ATAD3B: variants seen among roughly 807,000 people sequenced by gnomAD.
ATAD3B encodes the protein ATPase family AAA domain-containing protein 3B.
A neutral mutation model predicts 70.2 loss-of-function variants in ATAD3B; 59 were observed. That is an observed-to-expected ratio of 0.84 (90% CI 0.68 to 1.04). ATAD3B has a LOEUF of 1.04. Ranked by LOEUF, ATAD3B falls within the 50% of genes least tolerant of loss-of-function variation. The pLI, the probability that ATAD3B is intolerant of heterozygous loss-of-function variation, is 0.00. For synonymous variants in ATAD3B, 423 were observed against 388.6 expected (o/e 1.09, Z -1.04); for missense variants, 961 against 913.4 (o/e 1.05, Z -0.67).
intron 4 of ATAD3B, 68 bp from the exon 5 acceptor site, chr1:1,480,799 C>T: frequency 6.3e-7 from 1 of 1,589,388 alleles, no homozygotes; most frequent in Non-Finnish European, 8.6e-7. Context: ...CGGACGCAAC[C>T]TCTGGATTGG....
Position 1,479,977 on chromosome 1 carries a change from C to CA in ATAD3B, c.444+870dup, listed in dbSNP as rs1286216359. Among the ~76,000 whole-genome samples the CA allele has an allele frequency of 9.6e-5, 14 of 146,126 alleles. 1 individual carries two copies. Among genetic ancestry groups the CA allele is most frequent in the African/African-American group, 3.6e-4 (14 of 39,028 alleles). Reference sequence around the variant, plus strand: ...ACGGGCACACCCCACCACACACACACACAGGCATGGACACACGCACACCCC... The same window carrying CA: ...ACGGGCACACCCCACCACACACACACAACAGGCATGGACACACGCACACCCC... On this transcript the variant is annotated intron_variant, in intron 4 of 15. Coordinates refer to ENST00000673477, the MANE Select transcript of ATAD3B (RefSeq NM_031921.6).
In ATAD3B at chr1:1,475,280, T is replaced by G. The variant is rs375863008; in HGVS notation, c.206-1994T>G. ...TGTTCCAGGTGTGGGCTCTTTCATT[T>G]TGATCCCTTCTCTCCTTCCTGGCCT... is the stretch of plus-strand genomic sequence containing the variant. On this transcript the variant is annotated intron_variant, in intron 1 of 15. Transcript: ENST00000673477. Among the ~76,000 whole-genome samples, 8 of 150,588 alleles carry G rather than the reference T, an allele frequency of 5.3e-5. 1 individual carries two copies. The highest frequency in any genetic ancestry group is 1.7e-4 in the African/African-American group (7 of 40,592).
chr1:1,503,697 G>A, the ATAD3B span: 113 of 1,606,970 alleles, frequency 7.0e-5, no homozygotes, highest in Admixed American at 1.0e-4. Flanking sequence ...AGGCCGGGGC[G>A]CACATGGGGT....
chr1:1,503,739 G>C, the ATAD3B span: 11 of 1,581,308 alleles, frequency 7.0e-6, no homozygotes, highest in Middle Eastern at 2.3e-4. Flanking sequence ...GCTACTGCCG[G>C]TGGGTAGGGC....
downstream of ATAD3B, among the ~76,000 whole-genome samples, chr1:1,498,701 C>T (rs531744571): frequency 6.6e-6 from 1 of 151,570 alleles, no homozygotes; most frequent in Admixed American, 6.6e-5. Flanking sequence ...AGGCACCGCG[C>T]CCGGCCTGTT....
chr1:1,488,055 A>C, intron 12 of ATAD3B, 141 bp downstream of exon 12: 3 of 1,234,162 alleles, frequency 2.4e-6, no homozygotes, highest in Non-Finnish European at 2.3e-6. Flanking sequence ...CCTGGGTTCA[A>C]GCTGCTCTCC....
chr1:1,486,002 G>T (rs1218427885), intron 9 of ATAD3B, 108 bp from the exon 10 acceptor site: 2 of 1,593,340 alleles, frequency 1.3e-6, no homozygotes, highest in Non-Finnish European at 1.7e-6. Context: ...CACGAGCTGG[G>T]CGGCTTCCTG....
rs554728335 is a variant in ATAD3B at position 1,485,896 on chromosome 1, G to A, written c.963+58G>A. The A allele has an allele frequency of 3.7e-4, 602 of 1,611,660 alleles. 5 individuals are homozygous for A. In the African/African-American group the frequency reaches 7.0e-3, roughly 19 times the overall value. On this transcript the variant is annotated intron_variant, in intron 9 of 15. Transcript: ENST00000673477. ...AGGGAGGGGACCCCGGAGCTGGGCTGGGCTGTGGCCCTTGCTAGCGCTCGT... is the reference window on the plus strand; with the variant it reads ...AGGGAGGGGACCCCGGAGCTGGGCTAGGCTGTGGCCCTTGCTAGCGCTCGT...
In ATAD3B at chr1:1,495,617, C is replaced by T. The variant is rs770691962; in HGVS notation, c.1747C>T (p.His583Tyr). The change falls in exon 16 of 16, where the codon CAC becomes TAC. Residue 583 changes from histidine (H) to tyrosine (Y), a missense_variant. Physicochemically the swap from His to Tyr is moderately conservative, Grantham distance 83. This residue lies in a region of ATAD3B where 417 missense variants were observed against 335.0 expected (regional missense o/e 1.24). Coordinates refer to ENST00000673477, the MANE Select transcript of ATAD3B (RefSeq NM_031921.6). ...GGAGGGGCCTGGGCGCGGGGTCGAG[C>T]ACCCCCTATCCGGAGTCCAAGGCGA... ...KAEGPGRGVE[H>Y]PLSGVQGETL... 2 of 1,613,006 alleles carry T rather than the reference C, an allele frequency of 1.2e-6. No individual in the cohort carries two copies. Among genetic ancestry groups the T allele is most frequent in the South Asian group, 1.1e-5 (1 of 91,014 alleles).
Position 1,476,012 on chromosome 1 carries a change from A to G in ATAD3B, c.206-1262A>G, listed in dbSNP as rs1284881958. On this transcript the variant is annotated intron_variant, in intron 1 of 15. Transcript: ENST00000673477. ...GACCCTGGGGGACTGACACACCCTCAGTCCCCTCGGGGTCAGAGTGAGAGT... is the reference window on the plus strand; with the variant it reads ...GACCCTGGGGGACTGACACACCCTCGGTCCCCTCGGGGTCAGAGTGAGAGT... 3.2e-3 allele frequency among the ~76,000 whole-genome samples: 469 copies of G among 147,274 alleles called. 8 individuals carry two copies. Among genetic ancestry groups the G allele is most frequent in the African/African-American group, 0.011 (426 of 38,206 alleles).
chr1:1,500,492 C>T (rs1329898594), downstream of ATAD3B, among the ~76,000 whole-genome samples: 1 of 142,586 alleles, frequency 7.0e-6, no homozygotes, highest in African/African-American at 2.6e-5. Flanking sequence ...GCGGAGCTTG[C>T]AGTGAGTCGA....
At chr1:1,478,470 G>C (rs1199116933) in intron 2 of ATAD3B, 174 bp from the exon 3 acceptor site, 20 of 1,544,510 alleles carry the variant, frequency 1.3e-5, no homozygotes, top group Non-Finnish European at 1.8e-5. Flanking sequence ...TGTGGGTCTG[G>C]ATTCCTCCAG....
downstream of ATAD3B, among the ~76,000 whole-genome samples, chr1:1,498,800 T>C (rs1640874745): frequency 6.6e-6 from 1 of 151,502 alleles, no homozygotes; most frequent in Admixed American, 6.6e-5. Context: ...ATGTAAATTT[T>C]CGGTGTCGCA....
At chr1:1,489,174 G>T in intron 12 of ATAD3B, 30 bp from the exon 13 acceptor site, 4 of 1,612,914 alleles carry the variant, frequency 2.5e-6, no homozygotes, top group Non-Finnish European at 3.4e-6. Flanking sequence ...TTTGCTTCTG[G>T]TGCCTAAGGC....
rs755073019 is a variant in ATAD3B, at chr1:1,471,989, C to A, written c.105C>A (p.Arg35=). 150 of 1,241,736 alleles carry A rather than the reference C, an allele frequency of 1.2e-4. No homozygotes were observed. Among genetic ancestry groups the A allele is most frequent in the Non-Finnish European group, 1.5e-4 (145 of 990,048 alleles). The allele number at this position is 1,241,736 out of a possible 1,614,324, so 76.9% of individuals were successfully genotyped here. Residue 35 remains arginine (R), a synonymous_variant, in exon 1 of 16, where the codon CGC becomes CGA. Transcript: ENST00000673477. ...AQPGAEGGGD[R]GLGDRPAPKD... is the part of the protein sequence containing the mutation. ...CCGGGGCCGAGGGCGGCGGGGACCG[C>A]GGTTTGGGAGACCGGCCGGCGCCCA...
At position 1,489,245 on chromosome 1, in the gene ATAD3B, C is replaced by A. The variant is rs1640397303; in HGVS notation, c.1308C>A (p.Phe436Leu). 18 of 1,613,596 alleles carry A rather than the reference C, an allele frequency of 1.1e-5. No individual in the cohort carries two copies. The highest frequency in any genetic ancestry group is 1.5e-5 in the Non-Finnish European group (18 of 1,179,642). Residue 436 changes from phenylalanine (F) to leucine (L), a missense_variant, in exon 13 of 16, where the codon TTC (phenylalanine) becomes TTA (leucine). By Grantham distance (22) the Phe-to-Leu change is conservative. Around this residue, in one of 4 missense-constraint regions of ATAD3B, gnomAD observed 417 missense variants for 335.0 expected, o/e 1.24. Transcript: ENST00000673477. The part of the protein sequence containing the change: ...SKDLRATLNA[F>L]LYHMGQHSNK... ...ACCTCAGAGCCACACTGAACGCCTT[C>A]CTGTACCACATGGGCCAACACAGCA...
At chr1:1,482,902 G>T (rs1043322193) in intron 7 of ATAD3B, 1 of 522,208 alleles carries the variant, frequency 1.9e-6, no homozygotes, top group African/African-American at 1.9e-5. Context: ...TCGAGAGGCT[G>T]AGGTAGGAGG....
At chr1:1,487,344 C>T (rs1372618010) in intron 11 of ATAD3B, among the ~76,000 whole-genome samples, 4 of 151,810 alleles carry the variant, frequency 2.6e-5, no homozygotes, top group East Asian at 1.9e-4. Context: ...AAAAATTAGC[C>T]AGGCATGGTG....
the ATAD3B span, among the ~76,000 whole-genome samples, chr1:1,507,484 A>G: frequency 1.3e-5 from 2 of 152,150 alleles, no homozygotes; most frequent in Non-Finnish European, 2.9e-5. Flanking sequence ...TATGTTGAAC[A>G]TTTCGTATGT....
Sources: gnomAD v4.1 joint callset for allele counts (sites outside exome capture counted in the v4.1 genomes callset) on GRCh38, gnomAD v4.1.1 for gene constraint, gnomAD v4.1.1 regional missense constraint, MANE v1.5 for transcripts, NCBI Gene and HGNC (gene_info 2026-07-23, HGNC 2026-07-21) for gene names.